CELF1: variants seen among roughly 807,000 people sequenced by gnomAD.
The protein encoded by CELF1 is 50 kDa nuclear polyadenylated RNA-binding protein.
Under a neutral mutation model 61.8 loss-of-function variants are expected in CELF1, and 10 were observed. The ratio of observed to expected loss-of-function variants is 0.16; its 90% CI spans 0.10 to 0.27. The LOEUF is 0.27. Among genes scored for constraint, CELF1 ranks in the 10% least tolerant of loss-of-function variants. The pLI is 1.00. For missense variants in CELF1, 380 were observed against 639.1 expected (o/e 0.59, Z 4.37); for synonymous variants, 236 against 225.1 (o/e 1.05, Z -0.43).
In CELF1 at chr11:47,506,091, C is replaced by T. The variant is rs566258629; in HGVS notation, c.-153-5159G>A. ...ACACTGGAAGAGGAATTGTCTTAGG[C>T]CACAAATAAAATATACTAATGATAG... On this transcript the variant is annotated intron_variant, in intron 1 of 14. Transcript: ENST00000687097. Among the ~76,000 whole-genome samples the T allele has an allele frequency of 3.7e-4, 55 of 150,530 alleles. 4 individuals carry two copies. The highest frequency in any genetic ancestry group is 7.1e-4 in the Non-Finnish European group (48 of 67,374).
chr11:47,529,430 T>G (rs2153685222), intron 1 of CELF1, among the ~76,000 whole-genome samples: 1 of 152,202 alleles, frequency 6.6e-6, no homozygotes, highest in Admixed American at 6.5e-5. Flanking sequence ...CTCACGCCTG[T>G]AATCCCAGCA....
At chr11:47,519,862 C>CAA (rs768633294) in intron 1 of CELF1, among the ~76,000 whole-genome samples, 10 of 105,074 alleles carry the variant, frequency 9.5e-5, no homozygotes, top group Middle Eastern at 4.7e-3. Context: ...GACTCCGTCT[C>CAA]AAAAAAAAAA....
chr11:47,529,132 C>T (rs942485986), intron 1 of CELF1, among the ~76,000 whole-genome samples: 1 of 149,798 alleles, frequency 6.7e-6, no homozygotes, highest in African/African-American at 2.5e-5. Flanking sequence ...GGCTGGAGCA[C>T]AGTGGCGCAA....
In CELF1 at chr11:47,482,600, T is replaced by C. The variant is rs543253478; in HGVS notation, c.768+95A>G. The stretch of plus-strand genomic sequence containing the variant: ...ACATATAATTTCTATATGCCAAAAG[T>C]TGTAAATGCCACTGTGTTTGTTGGC... On this transcript the variant is annotated intron_variant, in intron 9 of 14. Coordinates refer to ENST00000687097, the MANE Select transcript of CELF1 (RefSeq NM_001376376.1). 61 of 1,234,052 alleles carry C rather than the reference T, an allele frequency of 4.9e-5. No individual in the cohort carries two copies. In the African/African-American group the frequency reaches 8.2e-4, roughly 17 times the overall value. The allele number at this position is 1,234,052 out of a possible 1,614,324, so 76.4% of individuals were successfully genotyped here. A position where few individuals can be genotyped will look rare whatever the true frequency, so the allele number is the denominator to read the frequency against.
chr11:47,495,758 A>G (rs981937011), intron 3 of CELF1, among the ~76,000 whole-genome samples: 1 of 152,170 alleles, frequency 6.6e-6, no homozygotes, highest in Non-Finnish European at 1.5e-5. Context: ...CTGTGTCCTT[A>G]TAAGAAAGCC....
chr11:47,483,667 A>G (rs2084830710), intron 7 of CELF1, 135 bp from the exon 8 acceptor site: 2 of 652,138 alleles, frequency 3.1e-6, no homozygotes, highest in South Asian at 3.6e-5. Context: ...ATGTGCTGGT[A>G]TGTTGCAACA....
intron 1 of CELF1, among the ~76,000 whole-genome samples, chr11:47,546,262 G>A (rs1467910943): frequency 1.5e-5 from 2 of 132,254 alleles, no homozygotes; most frequent in Non-Finnish European, 3.2e-5. Context: ...TTGGGCGGGG[G>A]CCGGGGGCGG....
At position 47,564,171 on chromosome 11, in the gene CELF1, CAAAAAAA is replaced by C. The variant is rs779009192; in HGVS notation, c.-11+173_-11+179del. Among the ~76,000 whole-genome samples the C allele has an allele frequency of 3.7e-4, 23 of 62,914 alleles. 1 individual carries two copies. Among genetic ancestry groups the C allele is most frequent in the Admixed American group, 1.6e-3 (8 of 4,904 alleles). The allele number at this position is 62,914 out of a possible 152,430, so 41.3% of individuals were successfully genotyped here. The stretch of plus-strand genomic sequence containing the variant: ...TGAAACCCCATCTCTACTAAAAATA[CAAAAAAA>C]AAAAAAAAAAAAAAAAGAAAGCCGG... On this transcript the variant is annotated intron_variant, in intron 2 of 3. Transcript: ENST00000525841.
At position 47,545,799 on chromosome 11, in the gene CELF1, G is replaced by A. The variant is rs189485441; in HGVS notation, c.-154+7193C>T. ...GCCCGCCTCAGTCTTCCAAAGTGCT[G>A]GGATTACAGGCATGCACCACCATGC... On this transcript the variant is annotated intron_variant, in intron 1 of 14. Coordinates refer to ENST00000687097, the MANE Select transcript of CELF1 (RefSeq NM_001376376.1). Among the ~76,000 whole-genome samples, 9 of 151,654 alleles carry A rather than the reference G, an allele frequency of 5.9e-5. No homozygotes were observed. In the East Asian group the frequency reaches 1.5e-3, roughly 26 times the overall value.
chr11:47,545,317 C>G (rs1166766879), intron 1 of CELF1, among the ~76,000 whole-genome samples: 1 of 152,068 alleles, frequency 6.6e-6, no homozygotes, highest in Non-Finnish European at 1.5e-5. Context: ...ATAATCCCAG[C>G]TGCTTGAGAG....
chr11:47,531,311 T>A (rs1355786308), intron 1 of CELF1, among the ~76,000 whole-genome samples: 1 of 151,830 alleles, frequency 6.6e-6, no homozygotes, highest in East Asian at 1.9e-4. Flanking sequence ...GGCTCACGCC[T>A]GTCAACCCAG....
At chr11:47,556,625 A>G (rs148517687), upstream of CELF1, among the ~76,000 whole-genome samples, 17 of 152,322 alleles carry the variant, frequency 1.1e-4, no homozygotes, top group East Asian at 3.3e-3. Flanking sequence ...AATCCCAGCT[A>G]CCCTGGAGGC....
At chr11:47,496,844 C>T (rs2093207458) in intron 3 of CELF1, among the ~76,000 whole-genome samples, 1 of 152,176 alleles carries the variant, frequency 6.6e-6, no homozygotes, top group South Asian at 2.1e-4. Flanking sequence ...CAGTGAAGGG[C>T]TTTCCATGTT....
At chr11:47,533,946 G>C (rs2096560288) in intron 1 of CELF1, among the ~76,000 whole-genome samples, 1 of 149,426 alleles carries the variant, frequency 6.7e-6, no homozygotes, top group African/African-American at 2.5e-5. Flanking sequence ...AAACTCAACT[G>C]AAGTTTCTAT....
At chr11:47,522,536 AACAAC>A (rs1229409722) in intron 1 of CELF1, among the ~76,000 whole-genome samples, 4 of 149,780 alleles carry the variant, frequency 2.7e-5, no homozygotes, top group Non-Finnish European at 5.9e-5. Context: ...CAACAACAAC[AACAAC>A]AAAACGCCAG....
At chr11:47,493,961 CACATCATCCATTT>C (rs1469627991) in intron 3 of CELF1, among the ~76,000 whole-genome samples, 3 of 152,138 alleles carry the variant, frequency 2.0e-5, no homozygotes. Flanking sequence ...CATCAGCTAC[CACATCATCCATTT>C]ACTCTTTGTA....
At chr11:47,562,966 G>A (rs1025795603) in intron 2 of CELF1, among the ~76,000 whole-genome samples, 1 of 151,910 alleles carries the variant, frequency 6.6e-6, no homozygotes, top group Admixed American at 6.6e-5. Flanking sequence ...CTCTGCCTCC[G>A]CCTCCCAAAG....
rs555498968 is a variant in CELF1 at position 47,473,218 on chromosome 11, G to A, written c.1287C>T (p.Ala429=). The change falls in exon 14 of 15, where the codon GCC becomes GCT. Residue 429 remains alanine, a synonymous_variant. Transcript: ENST00000687097. ...GGGGCAGGTGGTAGATGAACAGGTTGGCTCCCTCTGGACCTTCAAAATACC... is the reference window on the plus strand; with the variant it reads ...GGGGCAGGTGGTAGATGAACAGGTTAGCTCCCTCTGGACCTTCAAAATACC... ...AGSQKEGPEG[A]NLFIYHLPQE... 1 of 1,614,002 alleles carries A rather than the reference G, an allele frequency of 6.2e-7. No individual in the cohort carries two copies. Among genetic ancestry groups the A allele is most frequent in the South Asian group, 1.1e-5 (1 of 91,056 alleles).
chr11:47,501,046 G>A, intron 1 of CELF1, 114 bp from the exon 2 acceptor site: 1 of 396,272 alleles, frequency 2.5e-6, no homozygotes, highest in Non-Finnish European at 4.4e-6. Context: ...GTGTAACAAT[G>A]GCTAACATCT....
Sources: allele counts gnomAD v4.1 joint callset (sites outside exome capture counted in the v4.1 genomes callset), GRCh38; gene constraint gnomAD v4.1.1; transcripts MANE v1.5; gene names NCBI Gene and HGNC (gene_info 2026-07-23, HGNC 2026-07-21).